The following MGAT4C variants were observed in gnomAD, a reference collection of about 807,000 sequenced individuals.
The protein encoded by MGAT4C is MGAT4 family member C.
MGAT4C carries 19 observed loss-of-function variants against 40.1 expected under a neutral mutation model. The observed-to-expected ratio is 0.47, with a 90% CI of 0.33 to 0.70. MGAT4C has a LOEUF of 0.70. Among genes scored for constraint, MGAT4C ranks in the 30% least tolerant of loss-of-function variants. The pLI, the probability that MGAT4C is intolerant of heterozygous loss-of-function variation, is 0.02. For synonymous variants in MGAT4C, 181 were observed against 187.1 expected, an observed-to-expected ratio of 0.97 and a Z score of 0.27; for missense variants, 491 against 563.2, an observed-to-expected ratio of 0.87 and a Z score of 1.30.
chr12:86,587,164 T>A (rs1961084822), intron 2 of MGAT4C, among the ~76,000 whole-genome samples: 3 of 152,002 alleles, frequency 2.0e-5, no homozygotes, highest in Admixed American at 1.3e-4. Context: ...TTCAGCTTTC[T>A]ACATATGGCT....
chr12:86,639,494 C>T (rs2136517803), intron 2 of MGAT4C, among the ~76,000 whole-genome samples: 1 of 151,608 alleles, frequency 6.6e-6, no homozygotes, highest in African/African-American at 2.4e-5. Context: ...CAAAGTCAAC[C>T]TATCAAATAT....
At chr12:86,637,897 T>A (rs1963269278) in intron 2 of MGAT4C, among the ~76,000 whole-genome samples, 1 of 151,914 alleles carries the variant, frequency 6.6e-6, no homozygotes, top group African/African-American at 2.4e-5. Context: ...TAATGCATTC[T>A]TTTTATGTAC....
intron 3 of MGAT4C, among the ~76,000 whole-genome samples, chr12:86,352,168 A>G (rs1384747127): frequency 6.6e-6 from 1 of 152,122 alleles, no homozygotes; most frequent in East Asian, 1.9e-4. Context: ...GCAGTCTGTT[A>G]TAACAAAAAC....
intron 1 of MGAT4C, among the ~76,000 whole-genome samples, chr12:86,186,314 C>T (rs1387624598): frequency 2.0e-5 from 3 of 152,110 alleles, no homozygotes; most frequent in Non-Finnish European, 2.9e-5. Flanking sequence ...AGTCACATCC[C>T]CAAAAGGCAA....
chr12:86,547,872 C>T (rs967281739), intron 2 of MGAT4C, among the ~76,000 whole-genome samples: 3 of 152,110 alleles, frequency 2.0e-5, no homozygotes, highest in Non-Finnish European at 4.4e-5. Context: ...ATTCACTTTA[C>T]AGGGTAGGCA....
chr12:86,366,359 T>G (rs1300568300), intron 3 of MGAT4C, among the ~76,000 whole-genome samples: 2 of 152,248 alleles, frequency 1.3e-5, no homozygotes, highest in Non-Finnish European at 2.9e-5. Flanking sequence ...CTTTTCCTAT[T>G]TGTATGCCTT....
chr12:86,667,141 A>G (rs7308935), intron 2 of MGAT4C, among the ~76,000 whole-genome samples: 17,927 of 152,168 alleles, frequency 0.12, 1,726 homozygotes, highest in African/African-American at 0.27. Flanking sequence ...CATGGAAGAA[A>G]TTTTGTTGCA....
At chr12:86,428,030 GCAACAACAACAA>G (rs202133402) in intron 3 of MGAT4C, among the ~76,000 whole-genome samples, 7 of 150,584 alleles carry the variant, frequency 4.6e-5, no homozygotes, top group African/African-American at 7.3e-5. Flanking sequence ...AAAAACAACA[GCAACAACAACAA>G]CAACAACAAA....
chr12:86,583,382 G>A (rs1474498384), intron 2 of MGAT4C, among the ~76,000 whole-genome samples: 1 of 151,224 alleles, frequency 6.6e-6, no homozygotes, highest in East Asian at 1.9e-4. Flanking sequence ...AATAACAAAA[G>A]TAATAAAGAA....
At chr12:86,543,477 T>C (rs1959178240) in intron 2 of MGAT4C, among the ~76,000 whole-genome samples, 1 of 152,008 alleles carries the variant, frequency 6.6e-6, no homozygotes, top group Non-Finnish European at 1.5e-5. Context: ...ACATGGTATT[T>C]AGCTATCTTT....
intron 1 of MGAT4C, among the ~76,000 whole-genome samples, chr12:86,233,346 C>A (rs1295036740): frequency 6.6e-6 from 1 of 152,138 alleles, no homozygotes; most frequent in Non-Finnish European, 1.5e-5. Context: ...GTACTTAACA[C>A]ATTTAAATCA....
chr12:86,310,902 C>T (rs1007296900), intron 4 of MGAT4C, among the ~76,000 whole-genome samples: 4 of 152,102 alleles, frequency 2.6e-5, no homozygotes, highest in African/African-American at 7.2e-5. Context: ...CCAGCCTGTG[C>T]GACACAATGA....
chr12:86,677,820 A>T (rs1324521673), intron 2 of MGAT4C, among the ~76,000 whole-genome samples: 1 of 152,174 alleles, frequency 6.6e-6, no homozygotes, highest in Non-Finnish European at 1.5e-5. Context: ...TAATTTAGCC[A>T]TGTTAATTTT....
At chr12:86,435,833 A>G (rs1179716365) in intron 2 of MGAT4C, among the ~76,000 whole-genome samples, 3 of 151,926 alleles carry the variant, frequency 2.0e-5, no homozygotes, top group African/African-American at 7.2e-5. Flanking sequence ...CCCAGACACA[A>G]TCACATCCTT....
chr12:86,661,399 A>G (rs1291204119), intron 2 of MGAT4C, among the ~76,000 whole-genome samples: 1 of 152,092 alleles, frequency 6.6e-6, no homozygotes, highest in African/African-American at 2.4e-5. Context: ...TAAGATACAT[A>G]TTTAAAATGT....
intron 1 of MGAT4C, among the ~76,000 whole-genome samples, chr12:86,235,909 CACT>C (rs899524054): frequency 3.3e-5 from 5 of 151,922 alleles, no homozygotes; most frequent in Non-Finnish European, 7.4e-5. Context: ...ATTTCAAAAC[CACT>C]ACTACCAACT....
Position 86,770,264 on chromosome 12 carries a change from T to C in MGAT4C, c.-261-43023A>G, listed in dbSNP as rs1593191048. ...AGATATGGAGCAGTGACTGTATTTATATACCTGGTCTACCAAATTTATATG... is the reference window on the plus strand; with the variant it reads ...AGATATGGAGCAGTGACTGTATTTACATACCTGGTCTACCAAATTTATATG... On this transcript the variant is annotated intron_variant, in intron 1 of 7. Transcript: ENST00000548651. 2.6e-5 allele frequency among the ~76,000 whole-genome samples: 4 copies of C among 151,554 alleles called. No individual in the cohort carries two copies. In the East Asian group the frequency reaches 5.9e-4, roughly 22 times the overall value.
intron 1 of MGAT4C, among the ~76,000 whole-genome samples, chr12:86,138,624 A>G (rs1449804061): frequency 6.8e-6 from 1 of 147,512 alleles, no homozygotes; most frequent in Non-Finnish European, 1.5e-5. Context: ...TATCATATAT[A>G]TATTTCCATA....
At chr12:86,015,538 C>T (rs1889003626) in intron 2 of MGAT4C, among the ~76,000 whole-genome samples, 1 of 152,146 alleles carries the variant, frequency 6.6e-6, no homozygotes, top group East Asian at 1.9e-4. Context: ...CCCAAATCCA[C>T]CTGGCTGGAA....
Sources: allele counts gnomAD v4.1 joint callset (sites outside exome capture counted in the v4.1 genomes callset), GRCh38; gene constraint gnomAD v4.1.1; transcripts MANE v1.5; gene names NCBI Gene and HGNC (gene_info 2026-07-23, HGNC 2026-07-21).